Variants in KRT8 observed in about 807,000 individuals in gnomAD.
KRT8 encodes keratin, type II cytoskeletal 8.
A neutral mutation model predicts 43.0 loss-of-function variants in KRT8; 24 were observed. The ratio of observed to expected loss-of-function variants is 0.56; its 90% CI spans 0.40 to 0.78. The LOEUF is 0.78. Among genes scored for constraint, KRT8 ranks in the 30% least tolerant of loss-of-function variants. KRT8 has a pLI of 0.00. For synonymous variants in KRT8, 214 were observed against 261.2 expected (o/e 0.82, Z 1.74); for missense variants, 492 against 638.4 (o/e 0.77, Z 2.47).
At chr12:52,937,999 CAA>C (rs533386383) in intron 2 of KRT8, among the ~76,000 whole-genome samples, 5 of 52,702 alleles carry the variant, frequency 9.5e-5, no homozygotes, top group East Asian at 5.6e-4. Flanking sequence ...AACTCCATCT[CAA>C]AAAAAAAAAA....
intron 2 of KRT8, among the ~76,000 whole-genome samples, chr12:52,943,627 C>T (rs940162835): frequency 2.0e-5 from 3 of 152,190 alleles, no homozygotes; most frequent in Admixed American, 2.0e-4. Flanking sequence ...TGCACGTGGC[C>T]GTGCAGGGTG....
intron 2 of KRT8, among the ~76,000 whole-genome samples, chr12:52,926,778 T>C (rs1274996343): frequency 6.6e-6 from 1 of 152,176 alleles, no homozygotes; most frequent in African/African-American, 2.4e-5. Flanking sequence ...TAAGAAGTAA[T>C]GTGCCCAGCA....
chr12:52,946,816 G>A (rs11170342), intron 2 of KRT8: 12,878 of 152,166 alleles, frequency 0.085, 1,669 homozygotes, highest in East Asian at 0.56. Context: ...AGCAGGCCCC[G>A]ACCCTCCCCT....
chr12:52,900,921 G>A, intron 3 of KRT8: 1 of 632,462 alleles, frequency 1.6e-6, no homozygotes, highest in Non-Finnish European at 2.8e-6. Context: ...TCTAGAGCCA[G>A]ATCTCCAGTT....
intron 2 of KRT8, among the ~76,000 whole-genome samples, chr12:52,941,312 G>A (rs1005575085): frequency 2.0e-5 from 3 of 151,820 alleles, no homozygotes; most frequent in Admixed American, 1.3e-4. Flanking sequence ...AAAAGCTTAA[G>A]GTTTCCTTGA....
chr12:52,926,668 A>G (rs1327652181), intron 2 of KRT8, among the ~76,000 whole-genome samples: 1 of 152,116 alleles, frequency 6.6e-6, no homozygotes. Flanking sequence ...AACATCCACT[A>G]TTAATGAGGC....
At chr12:52,926,311 C>G (rs1941990144) in intron 2 of KRT8, 1 of 1,042,580 alleles carries the variant, frequency 9.6e-7, no homozygotes, top group African/African-American at 1.6e-5. Context: ...GAGGCTTAGC[C>G]TTCCCCACCT....
At chr12:52,938,981 A>C (rs1401251558) in intron 2 of KRT8, among the ~76,000 whole-genome samples, 2 of 152,102 alleles carry the variant, frequency 1.3e-5, no homozygotes, top group African/African-American at 4.8e-5. Flanking sequence ...GCTCCTGAGG[A>C]GGATGAGGCA....
At chr12:52,901,448 T>G (rs561995490) in intron 2 of KRT8, 2 of 597,116 alleles carry the variant, frequency 3.3e-6, no homozygotes, top group Admixed American at 5.0e-5. Flanking sequence ...CACATCGGAT[T>G]GGACACCTTG....
At chr12:52,930,051 G>A (rs766889580) in intron 2 of KRT8, among the ~76,000 whole-genome samples, 27 of 152,160 alleles carry the variant, frequency 1.8e-4, no homozygotes, top group Non-Finnish European at 3.7e-4. Context: ...TGCTGAGGAT[G>A]GCACTAGAAC....
chr12:52,913,795 C>T (rs557358084), intron 2 of KRT8, among the ~76,000 whole-genome samples: 9 of 152,370 alleles, frequency 5.9e-5, no homozygotes, highest in South Asian at 4.1e-4. Flanking sequence ...TTCCTACGAA[C>T]GTCACACACA....
chr12:52,907,009 CACA>C, upstream of KRT8: 4 of 288,550 alleles, frequency 1.4e-5, no homozygotes, highest in Non-Finnish European at 2.8e-5. Context: ...CACACACACA[CACA>C]CCCCACACAT....
chr12:52,911,285 G>A (rs1565722517), upstream of KRT8, among the ~76,000 whole-genome samples: 1 of 152,126 alleles, frequency 6.6e-6, no homozygotes, highest in Non-Finnish European at 1.5e-5. Flanking sequence ...CCAGGAGGCG[G>A]AGGTTGCAGT....
At chr12:52,940,682 G>T (rs1025022072) in intron 2 of KRT8, among the ~76,000 whole-genome samples, 1 of 145,306 alleles carries the variant, frequency 6.9e-6, no homozygotes, top group Non-Finnish European at 1.5e-5. Context: ...CTGGAGTGCA[G>T]TTGCGCCATC....
intron 5 of KRT8, 153 bp from the exon 6 acceptor site, chr12:52,899,052 T>A: frequency 1.4e-6 from 1 of 713,304 alleles, no homozygotes; most frequent in Non-Finnish European, 2.4e-6. Context: ...CAGTGGCTCA[T>A]GCCTGTAATC....
intron 2 of KRT8, among the ~76,000 whole-genome samples, chr12:52,931,306 A>C (rs1010838344): frequency 2.6e-5 from 4 of 151,610 alleles, no homozygotes; most frequent in African/African-American, 9.7e-5. Context: ...TGACCTCGTG[A>C]TCCTCCCGCC....
intron 6 of KRT8, 74 bp downstream of exon 6, chr12:52,898,605 A>T: frequency 6.2e-7 from 1 of 1,612,082 alleles, no homozygotes; most frequent in Non-Finnish European, 8.5e-7. Flanking sequence ...AAGGGGCTTC[A>T]GGGGGCTCCC....
intron 5 of KRT8, 73 bp from the exon 6 acceptor site, chr12:52,898,972 C>T (rs976009859): frequency 7.5e-7 from 1 of 1,339,838 alleles, no homozygotes; most frequent in Non-Finnish European, 1.1e-6. Context: ...CACCCTCCCT[C>T]AGGGTCCTCC....
intron 2 of KRT8, among the ~76,000 whole-genome samples, chr12:52,935,995 T>C (rs1381648021): frequency 1.3e-5 from 2 of 152,180 alleles, no homozygotes; most frequent in Admixed American, 1.3e-4. Flanking sequence ...GGCTAATGCC[T>C]ATAATCCCAG....
Sources: allele counts gnomAD v4.1 joint callset (sites outside exome capture counted in the v4.1 genomes callset), GRCh38; gene constraint gnomAD v4.1.1; transcripts MANE v1.5; gene names NCBI Gene and HGNC (gene_info 2026-07-23, HGNC 2026-07-21).